The following PCDHA1 variants were observed in gnomAD, a reference collection of about 807,000 sequenced individuals.
The protein encoded by PCDHA1 is protocadherin alpha-1.
PCDHA1 carries 42 observed loss-of-function variants against 61.3 expected under a neutral mutation model. That is an observed-to-expected ratio of 0.69 (90% confidence interval 0.54 to 0.89). The LOEUF is 0.89. Among genes scored for constraint, PCDHA1 ranks in the 40% least tolerant of loss-of-function variants. The probability of loss-of-function intolerance (pLI) is 0.00; values close to 1 mark genes in which losing one functional copy is unlikely to be tolerated. For synonymous variants in PCDHA1, 610 were observed against 553.8 expected (o/e 1.10, Z -1.43); for missense variants, 1,256 against 1,235.3 (o/e 1.02, Z -0.25).
intron 1 of PCDHA1, among the ~76,000 whole-genome samples, chr5:140,966,033 G>C (rs772770928): frequency 6.6e-6 from 1 of 152,138 alleles, no homozygotes; most frequent in African/African-American, 2.4e-5. Context: ...CAGGTGAATA[G>C]TTCCCATCGC....
At chr5:140,848,292 C>T in intron 1 of PCDHA1, 3 of 640,268 alleles carry the variant, frequency 4.7e-6, no homozygotes, top group Non-Finnish European at 8.2e-6. Context: ...ACACTTTGGG[C>T]CACGTGATGT....
At chr5:140,882,824 C>G in intron 1 of PCDHA1, 6 of 1,614,206 alleles carry the variant, frequency 3.7e-6, no homozygotes, top group Non-Finnish European at 5.1e-6. Flanking sequence ...ACAAAACAGT[C>G]TTGAGCAAAT....
intron 1 of PCDHA1, among the ~76,000 whole-genome samples, chr5:140,817,764 A>G (rs1022803136): frequency 6.6e-6 from 1 of 152,208 alleles, no homozygotes; most frequent in African/African-American, 2.4e-5. Context: ...GAAGAAATTA[A>G]CATTTCCTTT....
At chr5:140,803,452 A>G (rs1763203863) in intron 1 of PCDHA1, 2 of 1,614,226 alleles carry the variant, frequency 1.2e-6, no homozygotes, top group East Asian at 4.5e-5. Context: ...TCATACTCGC[A>G]GCAGAGGCAG....
intron 3 of PCDHA1, among the ~76,000 whole-genome samples, chr5:140,995,219 GT>G (rs1554254532): frequency 6.6e-6 from 1 of 152,072 alleles, no homozygotes; most frequent in East Asian, 1.9e-4. Flanking sequence ...CAATACTCTT[GT>G]GCTTTGGGGC....
chr5:140,848,352 TC>T, intron 1 of PCDHA1: 1 of 1,003,034 alleles, frequency 1.0e-6, no homozygotes, highest in Non-Finnish European at 1.5e-6. Context: ...ACAGCCCTTT[TC>T]CCATGGGAAA....
chr5:140,876,514 C>A, intron 1 of PCDHA1: 1 of 1,614,026 alleles, frequency 6.2e-7, no homozygotes, highest in East Asian at 2.2e-5. Flanking sequence ...TGACAATGTC[C>A]CTGAAGTAAT....
chr5:140,791,805 A>C (rs1318696172), intron 1 of PCDHA1, among the ~76,000 whole-genome samples: 2 of 151,838 alleles, frequency 1.3e-5, no homozygotes, highest in African/African-American at 4.8e-5. Context: ...CTTAGCATCC[A>C]CTCCCCTTGT....
At chr5:140,876,819 C>T in intron 1 of PCDHA1, 1 of 1,614,180 alleles carries the variant, frequency 6.2e-7, no homozygotes, top group Admixed American at 1.7e-5. Flanking sequence ...CCGACGTGAA[C>T]GACAATGCGC....
At chr5:140,836,045 C>T (rs2150251351) in intron 1 of PCDHA1, 3 of 1,613,202 alleles carry the variant, frequency 1.9e-6, no homozygotes, top group East Asian at 2.2e-5. Context: ...TGCAGGTGTT[C>T]GTGCTGGACG....
At chr5:140,969,251 A>T in intron 1 of PCDHA1, 3 of 1,614,262 alleles carry the variant, frequency 1.9e-6, no homozygotes, top group Non-Finnish European at 2.5e-6. Context: ...AGTGACTGAC[A>T]GCAGGAATCT....
intron 1 of PCDHA1, among the ~76,000 whole-genome samples, chr5:140,789,621 G>A (rs945922150): frequency 3.9e-5 from 6 of 152,170 alleles, no homozygotes; most frequent in Non-Finnish European, 5.9e-5. Flanking sequence ...AGAAGGCTTA[G>A]CATTGCATGT....
At chr5:141,005,960 TA>T (rs1322848010) in intron 3 of PCDHA1, among the ~76,000 whole-genome samples, 2 of 151,500 alleles carry the variant, frequency 1.3e-5, no homozygotes, top group Non-Finnish European at 2.9e-5. Context: ...CAAACAACAA[TA>T]AAAAAACAAT....
intron 1 of PCDHA1, chr5:140,929,284 A>G: frequency 6.2e-7 from 1 of 1,600,764 alleles, no homozygotes; most frequent in Non-Finnish European, 8.5e-7. Flanking sequence ...CTGTATTCAG[A>G]TTCGGAATAG....
At chr5:140,808,780 G>T (rs782481333) in intron 1 of PCDHA1, 13 of 1,612,576 alleles carry the variant, frequency 8.1e-6, no homozygotes, top group East Asian at 2.2e-5. Flanking sequence ...TAGAGCTGCT[G>T]CAGTTTCAGG....
intron 1 of PCDHA1, among the ~76,000 whole-genome samples, chr5:140,890,446 T>C (rs1554184296): frequency 6.6e-6 from 1 of 152,228 alleles, no homozygotes; most frequent in Admixed American, 6.5e-5. Context: ...CCTAGTGATA[T>C]CTTTAGGCAC....
intron 1 of PCDHA1, chr5:140,808,292 A>C (rs1764139529): frequency 6.2e-7 from 1 of 1,614,270 alleles, no homozygotes; most frequent in South Asian, 1.1e-5. Flanking sequence ...GGGTACAGTC[A>C]TCGCCCTGAT....
At chr5:140,830,051 C>T (rs1276520798) in intron 1 of PCDHA1, 2 of 1,613,610 alleles carry the variant, frequency 1.2e-6, no homozygotes, top group Middle Eastern at 1.6e-4. Context: ...GGTGAAAGAC[C>T]ACGGTGAGCC....
At chr5:140,936,311 T>C (rs1451314089) in intron 1 of PCDHA1, among the ~76,000 whole-genome samples, 1 of 152,228 alleles carries the variant, frequency 6.6e-6, no homozygotes, top group African/African-American at 2.4e-5. Flanking sequence ...AATAGAACTT[T>C]CTGACATGCT....
Sources: allele counts gnomAD v4.1 joint callset (sites outside exome capture counted in the v4.1 genomes callset), GRCh38; gene constraint gnomAD v4.1.1; transcripts MANE v1.5; gene names NCBI Gene and HGNC (gene_info 2026-07-23, HGNC 2026-07-21).